Variants in TMEM219 observed in about 807,000 individuals in gnomAD.
TMEM219 encodes the protein transmembrane protein 219, also known as insulin-like growth factor-binding protein 3 receptor.
TMEM219 carries 18 observed loss-of-function variants against 17.9 expected under a neutral mutation model. The observed-to-expected ratio is 1.01, with a 90% CI of 0.70 to 1.49. The LOEUF is 1.49. Ranked by LOEUF, TMEM219 falls within the 40% of genes most tolerant of loss-of-function variation. The pLI is 0.00. For synonymous variants in TMEM219, 113 were observed against 124.0 expected (o/e 0.91, Z 0.59); for missense variants, 288 against 292.4 (o/e 0.99, Z 0.11).
intron 3 of TMEM219, among the ~76,000 whole-genome samples, chr16:29,963,882 CAAAAAAAA>C (rs34734372): frequency 2.6e-5 from 2 of 78,398 alleles, no homozygotes; most frequent in Non-Finnish European, 4.8e-5. Flanking sequence ...GACTCTGTCT[CAAAAAAAA>C]AAAAAAAAAA....
chr16:29,967,903 G>A, intron 3 of TMEM219, 122 bp from the exon 4 acceptor site: 1 of 735,748 alleles, frequency 1.4e-6, no homozygotes, highest in Middle Eastern at 2.6e-4. Flanking sequence ...CTCCAGCCTG[G>A]GTGATAGAGC....
intron 1 of TMEM219, 107 bp from the exon 2 acceptor site, chr16:29,963,000 C>T (rs2150858928): frequency 3.3e-6 from 3 of 902,940 alleles, no homozygotes; most frequent in Middle Eastern, 3.5e-4. Flanking sequence ...TGTTCTGGCT[C>T]TGCCACTTAC....
intron 3 of TMEM219, among the ~76,000 whole-genome samples, chr16:29,966,331 AT>A (rs2069212176): frequency 6.6e-6 from 1 of 151,636 alleles, no homozygotes; most frequent in Non-Finnish European, 1.5e-5. Context: ...GTAGGTCTTT[AT>A]TCTAGATAGT....
chr16:29,972,276 C>CTT (rs2069304813), intron 5 of TMEM219: 1 of 152,234 alleles, frequency 6.6e-6, no homozygotes, highest in South Asian at 2.1e-4. Flanking sequence ...TCAGAAGAGT[C>CTT]TAACTGATGA....
intron 3 of TMEM219, among the ~76,000 whole-genome samples, chr16:29,964,053 G>A (rs1410696691): frequency 6.6e-6 from 1 of 151,700 alleles, no homozygotes; most frequent in South Asian, 2.1e-4. Context: ...GTCTGGTTGC[G>A]GTGGCCCACA....
At chr16:29,969,265 C>T (rs763244720) in intron 4 of TMEM219, among the ~76,000 whole-genome samples, 1 of 143,314 alleles carries the variant, frequency 7.0e-6, no homozygotes, top group African/African-American at 2.6e-5. Flanking sequence ...GGCACAATCT[C>T]GGCTCACTGC....
chr16:29,966,191 C>T (rs900943680), intron 3 of TMEM219, among the ~76,000 whole-genome samples: 2 of 152,136 alleles, frequency 1.3e-5, no homozygotes, highest in African/African-American at 4.8e-5. Flanking sequence ...GTTTTATTTA[C>T]TTTCTCTTGA....
chr16:29,967,151 G>A (rs146187130), intron 3 of TMEM219, among the ~76,000 whole-genome samples: 2 of 152,112 alleles, frequency 1.3e-5, no homozygotes, highest in East Asian at 3.9e-4. Context: ...GTATTAGTAT[G>A]GTTGTTGTAT....
At chr16:29,971,290 A>ATTTTCCC (rs10624125) in intron 4 of TMEM219, 118 bp from the exon 5 acceptor site, 170,367 of 1,087,072 alleles carry the variant, frequency 0.16, 19,415 homozygotes, top group East Asian at 0.53. Flanking sequence ...TGAAAATAAC[A>ATTTTCCC]TTTTCCCTTC....
intron 4 of TMEM219, among the ~76,000 whole-genome samples, 161 bp from the exon 5 acceptor site, chr16:29,971,245 CAA>C (rs372675511): frequency 1.3e-4 from 17 of 127,368 alleles, no homozygotes; most frequent in East Asian, 2.3e-4. Flanking sequence ...GACTCCATCT[CAA>C]AAAAAAAAAA....
intron 4 of TMEM219, among the ~76,000 whole-genome samples, chr16:29,969,514 AC>A (rs769663860): frequency 2.0e-5 from 3 of 151,700 alleles, no homozygotes; most frequent in Non-Finnish European, 4.4e-5. Flanking sequence ...CTTAAAAAAA[AC>A]ATTTTTTTTT....
At chr16:29,967,717 G>A (rs1445062061) in intron 3 of TMEM219, among the ~76,000 whole-genome samples, 3 of 152,150 alleles carry the variant, frequency 2.0e-5, no homozygotes, top group East Asian at 1.9e-4. Context: ...CACGAGGTCA[G>A]GAGATCAAGA....
intron 3 of TMEM219, among the ~76,000 whole-genome samples, chr16:29,963,800 T>A (rs1293205465): frequency 6.7e-6 from 1 of 148,920 alleles, no homozygotes. Context: ...GGAGAATCGC[T>A]TGAACCCAGG....
intron 4 of TMEM219, among the ~76,000 whole-genome samples, chr16:29,970,972 C>T (rs866815795): frequency 2.7e-5 from 4 of 150,576 alleles, no homozygotes; most frequent in Non-Finnish European, 4.4e-5. Context: ...AAGGGCCAGG[C>T]GCGGTGTTTC....
chr16:29,968,230 T>G lies in TMEM219; in HGVS notation c.561T>G (p.Leu187=). The G allele has an allele frequency of 1.2e-6, 2 of 1,613,896 alleles. No homozygotes were observed. The highest frequency in any genetic ancestry group is 8.5e-7 in the Non-Finnish European group (1 of 1,179,810). The change falls in exon 4 of 6, where the codon CTT becomes CTG. Residue 187 remains leucine, a synonymous_variant. Coordinates refer to ENST00000279396, the MANE Select transcript of TMEM219 (RefSeq NM_001083613.2). The part of the protein sequence containing the change: ...ECVSVWSHEG[L]VLTKLLTSEE... ...TTAGTGTCTGGAGCCATGAAGGCCT[T>G]GTGCTGACCAAGCTGCTCACCTCGG...
chr16:29,963,647 C>T, intron 3 of TMEM219, 58 bp downstream of exon 3: 1 of 1,501,570 alleles, frequency 6.7e-7, no homozygotes, highest in Non-Finnish European at 9.1e-7. Flanking sequence ...CTTTGGGAGG[C>T]TAAGGTAGGT....
At position 29,963,322 on chromosome 16, in the gene TMEM219, C is replaced by T; in HGVS notation, c.165+14C>T. The T allele has an allele frequency of 6.2e-7, 1 of 1,613,986 alleles. No homozygotes were observed. ...GACATCCCCCAGGTAAGTTCCCCAC[C>T]CCCGTACCCGCTCTTCCTTCCAACC... is the stretch of plus-strand genomic sequence containing the variant. On this transcript the variant is annotated intron_variant, in intron 2 of 5. Coordinates refer to ENST00000279396, the MANE Select transcript of TMEM219 (RefSeq NM_001083613.2).
At position 29,970,614 on chromosome 16, in the gene TMEM219, G is replaced by A. The variant is rs547793111; in HGVS notation, c.586-794G>A. Among the ~76,000 whole-genome samples the A allele has an allele frequency of 1.1e-4, 17 of 152,140 alleles. No homozygotes were observed. The South Asian group carries it at 2.9e-3, about 26-fold the overall frequency. On this transcript the variant is annotated intron_variant, in intron 4 of 5. Transcript: ENST00000279396. ...GCTGGGATTACAGGTGTGAGCCACCGCACCCAGCCACTTATACATCTTTAA... is the reference window on the plus strand; with the variant it reads ...GCTGGGATTACAGGTGTGAGCCACCACACCCAGCCACTTATACATCTTTAA...
chr16:29,964,592 C>T (rs1227195422), intron 3 of TMEM219, among the ~76,000 whole-genome samples: 1 of 151,854 alleles, frequency 6.6e-6, no homozygotes, highest in South Asian at 2.1e-4. Flanking sequence ...ACCTGGGAGG[C>T]GGAGGTTGCA....
Sources: allele counts gnomAD v4.1 joint callset (sites outside exome capture counted in the v4.1 genomes callset), GRCh38; gene constraint gnomAD v4.1.1; transcripts MANE v1.5; gene names NCBI Gene and HGNC (gene_info 2026-07-23, HGNC 2026-07-21).